VIT: variants seen among roughly 807,000 people sequenced by gnomAD.
VIT encodes vitrin.
In VIT, 99 loss-of-function variants were observed where a neutral mutation model predicts 78.0. The ratio of observed to expected loss-of-function variants is 1.27; its 90% confidence interval spans 1.08 to 1.50. VIT has a LOEUF of 1.50. VIT is among the 40% of genes most tolerant of loss of function. The probability of loss-of-function intolerance (pLI) is 0.00; values close to 1 mark genes in which losing one functional copy is unlikely to be tolerated. For missense variants in VIT, 1,126 were observed against 875.3 expected (o/e 1.29, Z -3.61); for synonymous variants, 374 against 334.3 (o/e 1.12, Z -1.29).
At chr2:36,703,477 T>C (rs950978869) in intron 1 of VIT, among the ~76,000 whole-genome samples, 5 of 152,160 alleles carry the variant, frequency 3.3e-5, no homozygotes, top group African/African-American at 1.2e-4. Flanking sequence ...GATCATCTTA[T>C]TTTAACATCC....
At chr2:36,708,155 C>T (rs1427472700) in intron 1 of VIT, among the ~76,000 whole-genome samples, 1 of 150,498 alleles carries the variant, frequency 6.6e-6, no homozygotes, top group Non-Finnish European at 1.5e-5. Flanking sequence ...CCCGTCCTCA[C>T]CAGATCAACC....
intron 3 of VIT, among the ~76,000 whole-genome samples, chr2:36,741,089 C>T (rs1667807541): frequency 6.6e-6 from 1 of 152,172 alleles, no homozygotes; most frequent in African/African-American, 2.4e-5. Context: ...TTCTTTACCT[C>T]TAAGGGAGGA....
rs141420100 is a variant in VIT, at chr2:36,767,178, C to G, written c.572C>G (p.Thr191Ser). The change falls in exon 7 of 16, where the codon ACT (threonine) becomes AGT (serine). Residue 191 changes from threonine (T) to serine (S), a missense_variant. Thr to Ser is a moderately conservative substitution (Grantham distance 58). Coordinates refer to ENST00000379242, the MANE Select transcript of VIT (RefSeq NM_053276.4). ...PVTLMQLLAV[T>S]VAVATPTTLP... ...ACTCTGATGCAGCTTCTGGCTGTCACTGTAGCTGTGGCCACCCCCACCACC... is the reference window on the plus strand; with the variant it reads ...ACTCTGATGCAGCTTCTGGCTGTCAGTGTAGCTGTGGCCACCCCCACCACC... 7.4e-6 allele frequency: 12 copies of G among 1,611,946 alleles called. No individual in the cohort carries two copies. In the African/African-American group the frequency reaches 9.4e-5, roughly 13 times the overall value.
chr2:36,793,956 G>T (rs989632931), intron 12 of VIT, among the ~76,000 whole-genome samples: 13 of 152,116 alleles, frequency 8.5e-5, no homozygotes, highest in African/African-American at 3.1e-4. Flanking sequence ...CGAGCCCCAT[G>T]GATTTTCTTT....
chr2:36,805,823 A>G (rs1368461905), intron 14 of VIT, among the ~76,000 whole-genome samples, 159 bp downstream of exon 14: 1 of 152,094 alleles, frequency 6.6e-6, no homozygotes, highest in Admixed American at 6.5e-5. Flanking sequence ...CGAAACCTGC[A>G]ATTACCCTCT....
chr2:36,730,239 G>T (rs1667110381), intron 3 of VIT, among the ~76,000 whole-genome samples: 1 of 149,908 alleles, frequency 6.7e-6, no homozygotes, highest in Non-Finnish European at 1.5e-5. Context: ...AGTGAGCCCA[G>T]ATCATACCAC....
intron 9 of VIT, among the ~76,000 whole-genome samples, chr2:36,778,496 C>G (rs1456636335): frequency 6.6e-6 from 1 of 152,242 alleles, no homozygotes; most frequent in Non-Finnish European, 1.5e-5. Flanking sequence ...CTTCACTGGT[C>G]TGGAAACCTA....
intron 12 of VIT, among the ~76,000 whole-genome samples, chr2:36,797,845 A>AATTGAC (rs1407935873): frequency 1.2e-4 from 19 of 152,182 alleles, no homozygotes; most frequent in African/African-American, 4.3e-4. Context: ...TAATGCTGTT[A>AATTGAC]ATTGAGTGCC....
chr2:36,772,215 C>T (rs1051175649), intron 7 of VIT, among the ~76,000 whole-genome samples: 2 of 151,204 alleles, frequency 1.3e-5, no homozygotes, highest in African/African-American at 4.9e-5. Context: ...TCAATACCAG[C>T]CTGGGCAACA....
At chr2:36,786,963 G>A (rs992230235) in intron 11 of VIT, among the ~76,000 whole-genome samples, 166 bp from the exon 12 acceptor site, 3 of 152,170 alleles carry the variant, frequency 2.0e-5, no homozygotes, top group Non-Finnish European at 4.4e-5. Context: ...TGGTGCTCAG[G>A]GAAACCCCTG....
intron 7 of VIT, among the ~76,000 whole-genome samples, chr2:36,773,590 G>A (rs1422156163): frequency 1.3e-5 from 2 of 152,126 alleles, no homozygotes; most frequent in Non-Finnish European, 1.5e-5. Flanking sequence ...AATTAGTTGA[G>A]CCTAGTGGTA....
chr2:36,731,461 A>G (rs10202595), intron 3 of VIT, among the ~76,000 whole-genome samples: 87,704 of 151,340 alleles, frequency 0.58, 26,354 homozygotes, highest in Non-Finnish European at 0.66. Context: ...TTTTAGTAGA[A>G]ACGGGGTTTC....
chr2:36,750,184 G>A (rs967788974), intron 4 of VIT, among the ~76,000 whole-genome samples: 36 of 152,178 alleles, frequency 2.4e-4, no homozygotes, highest in African/African-American at 7.5e-4. Flanking sequence ...AAAATATTTT[G>A]CTTTCACCCT....
At chr2:36,811,787 C>G (rs1278387907) in intron 15 of VIT, among the ~76,000 whole-genome samples, 1 of 151,914 alleles carries the variant, frequency 6.6e-6, no homozygotes, top group Non-Finnish European at 1.5e-5. Context: ...ATTCTCCTGC[C>G]TCAGTCTCCC....
intron 3 of VIT, among the ~76,000 whole-genome samples, chr2:36,734,831 G>A (rs1305613332): frequency 6.6e-6 from 1 of 152,078 alleles, no homozygotes. Flanking sequence ...AGCACCACTG[G>A]TGGGGGGGCC....
intron 12 of VIT, among the ~76,000 whole-genome samples, chr2:36,789,982 A>G (rs571705593): frequency 6.6e-6 from 1 of 152,330 alleles, no homozygotes; most frequent in South Asian, 2.1e-4. Context: ...GCTTCCTGGA[A>G]GATTCCTTCC....
intron 12 of VIT, among the ~76,000 whole-genome samples, chr2:36,789,248 C>T (rs541319853): frequency 6.6e-6 from 1 of 152,196 alleles, no homozygotes; most frequent in Non-Finnish European, 1.5e-5. Flanking sequence ...AAGCCAGTCA[C>T]TTAACCTCTC....
At chr2:36,724,383 A>G (rs1666709113) in intron 2 of VIT, among the ~76,000 whole-genome samples, 1 of 152,206 alleles carries the variant, frequency 6.6e-6, no homozygotes. Flanking sequence ...ACTGGCTCTC[A>G]GACCTGTCTG....
intron 4 of VIT, among the ~76,000 whole-genome samples, chr2:36,748,776 C>T (rs911041925): frequency 6.6e-6 from 1 of 152,240 alleles, no homozygotes; most frequent in Non-Finnish European, 1.5e-5. Flanking sequence ...CAACTTCGTG[C>T]AAGGTTGCTA....
Sources: allele counts gnomAD v4.1 joint callset (sites outside exome capture counted in the v4.1 genomes callset), GRCh38; gene constraint gnomAD v4.1.1; transcripts MANE v1.5; gene names NCBI Gene and HGNC (gene_info 2026-07-23, HGNC 2026-07-21).